LBP: variants seen among roughly 807,000 people sequenced by gnomAD.
The protein encoded by LBP is lipopolysaccharide-binding protein.
Under a neutral mutation model 56.6 loss-of-function variants are expected in LBP, and 53 were observed. The observed-to-expected ratio is 0.94, with a 90% CI of 0.75 to 1.18. The LOEUF (loss-of-function observed/expected upper bound fraction) is 1.18, where lower values mean the gene tolerates loss of function less well. Among genes scored for constraint, LBP ranks in the 50% most tolerant of loss-of-function variants. The pLI is 0.00. For missense variants in LBP, 601 were observed against 598.3 expected (o/e 1.00, Z -0.05); for synonymous variants, 227 against 247.5 (o/e 0.92, Z 0.78).
At chr20:38,356,450 ACACAC>A (rs2076841212) in intron 5 of LBP, among the ~76,000 whole-genome samples, 11 of 115,916 alleles carry the variant, frequency 9.5e-5, no homozygotes, top group Non-Finnish European at 1.9e-4. Flanking sequence ...ACACACACAC[ACACAC>A]CCTCGTCTGT....
chr20:38,371,889 C>A (rs916712485), intron 12 of LBP, among the ~76,000 whole-genome samples: 1 of 152,186 alleles, frequency 6.6e-6, no homozygotes, highest in African/African-American at 2.4e-5. Flanking sequence ...TTAAGCCAAG[C>A]ACTGTGGCCA....
chr20:38,366,579 G>C (rs935460536), intron 8 of LBP, among the ~76,000 whole-genome samples, 190 bp from the exon 9 acceptor site: 1 of 152,212 alleles, frequency 6.6e-6, no homozygotes, highest in African/African-American at 2.4e-5. Context: ...CCCCCGGGGA[G>C]AGCGGGCAGG....
intron 6 of LBP, among the ~76,000 whole-genome samples, chr20:38,362,555 G>A (rs2122612986): frequency 6.6e-6 from 1 of 151,810 alleles, no homozygotes; most frequent in African/African-American, 2.4e-5. Flanking sequence ...GGAGTTTGCG[G>A]TGAGTTGAGA....
rs1248252945 is a variant in LBP, at chr20:38,362,048, GT to G, written c.652+1285del. Among the ~76,000 whole-genome samples, 17 of 129,330 alleles carry G rather than the reference GT, an allele frequency of 1.3e-4. No homozygotes were observed. In the South Asian group the frequency reaches 4.2e-3, roughly 32 times the overall value. The allele number at this position is 129,330 out of a possible 152,430, so 84.8% of individuals were successfully genotyped here. A position where few individuals can be genotyped will look rare whatever the true frequency, so the allele number is the denominator to read the frequency against. On this transcript the variant is annotated intron_variant, in intron 6 of 14. Coordinates refer to ENST00000217407, the MANE Select transcript of LBP (RefSeq NM_004139.5). ...GCGGTGGCTCACGCCTTTATTTTTT[GT>G]TTTCTTTTTTTTTTTTTTTTTTTTT...
At position 38,373,268 on chromosome 20, in the gene LBP, T is replaced by C. The variant is rs147531147; in HGVS notation, c.1324+133T>C. ...GCAAGTCACTTCTCTCTGAGCTTAGTGACCTGCCTGTGACATGGGATCGTT... is the reference window on the plus strand; with the variant it reads ...GCAAGTCACTTCTCTCTGAGCTTAGCGACCTGCCTGTGACATGGGATCGTT... On this transcript the variant is annotated intron_variant, in intron 13 of 14. Transcript: ENST00000217407. 184 of 720,440 alleles carry C rather than the reference T, an allele frequency of 2.6e-4. No individual in the cohort carries two copies. In the African/African-American group the frequency reaches 2.9e-3, roughly 11 times the overall value. The allele number at this position is 720,440 out of a possible 1,614,324, so 44.6% of individuals were successfully genotyped here.
chr20:38,369,241 A>G, intron 10 of LBP, 79 bp downstream of exon 10: 2 of 1,365,488 alleles, frequency 1.5e-6, no homozygotes, highest in Non-Finnish European at 1.0e-6. Context: ...TTTTCTCCCC[A>G]CTCACCACCT....
chr20:38,363,336 A>G (rs1011074490), intron 6 of LBP, among the ~76,000 whole-genome samples: 1 of 152,180 alleles, frequency 6.6e-6, no homozygotes, highest in South Asian at 2.1e-4. Context: ...CATTTATTTA[A>G]TAAGTCCCCC....
rs1164202239 is a variant in LBP, at chr20:38,364,448, C to T, written c.745-128C>T. On this transcript the variant is annotated intron_variant, in intron 7 of 14. Coordinates refer to ENST00000217407, the MANE Select transcript of LBP (RefSeq NM_004139.5). The stretch of plus-strand genomic sequence containing the variant: ...CTTTTCATTAAAAGACATAACACTG[C>T]CTTTAATGGTGGAGTTTCAGGCAGT... 12 of 862,272 alleles carry T rather than the reference C, an allele frequency of 1.4e-5. No individual in the cohort carries two copies. In the East Asian group the frequency reaches 2.2e-4, roughly 16 times the overall value. 53.4% of individuals were successfully genotyped at this position (862,272 alleles called of 1,614,324 possible).
Position 38,349,665 on chromosome 20 carries a change from G to A in LBP, c.239+3G>A, listed in dbSNP as rs755950321. On this transcript the variant is annotated splice_donor_region_variant and intron_variant, in intron 2 of 14. Transcript: ENST00000217407. The stretch of plus-strand genomic sequence containing the variant: ...CGTGGGCGCTATGAGTTCCACAGGT[G>A]GGGCTCTCCCTTCTGCTGCGGCTCT... The A allele has an allele frequency of 3.1e-6, 5 of 1,588,472 alleles. No homozygotes were observed. The highest frequency in any genetic ancestry group is 2.3e-5 in the East Asian group (1 of 44,188).
At chr20:38,374,299 C>T (rs1472449252) in intron 14 of LBP, among the ~76,000 whole-genome samples, 1 of 152,176 alleles carries the variant, frequency 6.6e-6, no homozygotes, top group African/African-American at 2.4e-5. Context: ...AAGACCAGCT[C>T]GTTTTGAAAA....
intron 6 of LBP, among the ~76,000 whole-genome samples, chr20:38,362,641 A>G (rs1191312470): frequency 6.6e-6 from 1 of 151,372 alleles, no homozygotes; most frequent in African/African-American, 2.4e-5. Flanking sequence ...TAAATAATAA[A>G]TAAACAAAAT....
At chr20:38,355,090 C>T (rs41332344) in intron 4 of LBP, among the ~76,000 whole-genome samples, 23,720 of 152,140 alleles carry the variant, frequency 0.16, 1,996 homozygotes, top group South Asian at 0.21. Context: ...CCCCACCCCC[C>T]CGCAAAAGAA....
chr20:38,352,297 G>A (rs1482578565), intron 3 of LBP, among the ~76,000 whole-genome samples: 1 of 152,148 alleles, frequency 6.6e-6, no homozygotes, highest in African/African-American at 2.4e-5. Flanking sequence ...GCCCAAATAT[G>A]GGTGATATGA....
intron 5 of LBP, among the ~76,000 whole-genome samples, chr20:38,356,916 C>T (rs905947702): frequency 3.3e-5 from 5 of 151,946 alleles, no homozygotes; most frequent in African/African-American, 9.7e-5. Flanking sequence ...AGTGCAGTGG[C>T]GCGACCTTGG....
rs533481732 is a variant in LBP, at chr20:38,374,846, C to T, written c.1401+833C>T. ...TCACCCAGGCTGGAGTGCAGTGGTG[C>T]GATCTTGGCTTACTGCAACCTCTGC... On this transcript the variant is annotated intron_variant, in intron 14 of 14. Transcript: ENST00000217407. Among the ~76,000 whole-genome samples the T allele has an allele frequency of 3.1e-4, 45 of 144,624 alleles. 3 individuals are homozygous for T. Among genetic ancestry groups the T allele is most frequent in the African/African-American group, 1.1e-3 (44 of 38,816 alleles). The allele number at this position is 144,624 out of a possible 152,430, so 94.9% of individuals were successfully genotyped here. A position where few individuals can be genotyped will look rare whatever the true frequency, so the allele number is the denominator to read the frequency against.
chr20:38,372,243 G>C (rs2076903195), intron 12 of LBP, among the ~76,000 whole-genome samples: 1 of 152,188 alleles, frequency 6.6e-6, no homozygotes, highest in Non-Finnish European at 1.5e-5. Flanking sequence ...ACCATTCCAT[G>C]ATGCTGGCCT....
chr20:38,348,100 G>A (rs2076807185), intron 1 of LBP, among the ~76,000 whole-genome samples: 1 of 152,232 alleles, frequency 6.6e-6, no homozygotes. Context: ...AAATTGGAAA[G>A]AGGTGAAAGG....
intron 9 of LBP, among the ~76,000 whole-genome samples, chr20:38,368,603 A>T (rs1022704166): frequency 4.0e-4 from 61 of 152,292 alleles, no homozygotes; most frequent in African/African-American, 1.4e-3. Context: ...CCATCTCAAA[A>T]AACAAAACAA....
chr20:38,355,397 A>G lies in LBP; in HGVS notation c.576A>G (p.Val192=). The change falls in exon 5 of 15, where the codon GTA becomes GTG. Residue 192 remains valine (V), a synonymous_variant. Transcript: ENST00000217407. ...HNQIESKFQK[V]LESRICEMIQ... ...AGATTGAGTCCAAGTTCCAGAAAGT[A>G]CTGGAGAGCAGGGTAAGAAGGTCCA... 1.9e-6 allele frequency: 3 copies of G among 1,613,582 alleles called. No homozygotes were observed. Among genetic ancestry groups the G allele is most frequent in the Non-Finnish European group, 2.5e-6 (3 of 1,179,904 alleles).
Sources: allele counts gnomAD v4.1 joint callset (sites outside exome capture counted in the v4.1 genomes callset), GRCh38; gene constraint gnomAD v4.1.1; transcripts MANE v1.5; gene names NCBI Gene and HGNC (gene_info 2026-07-23, HGNC 2026-07-21).